Variants in TRERF1 observed in about 807,000 individuals in gnomAD.
The protein encoded by TRERF1 is transcriptional regulating factor 1.
Under a neutral mutation model 122.9 loss-of-function variants are expected in TRERF1, and 27 were observed. The ratio of observed to expected loss-of-function variants is 0.22; its 90% CI spans 0.16 to 0.30. The LOEUF is 0.30. Ranked by LOEUF, TRERF1 falls within the 10% of genes least tolerant of loss-of-function variation. The probability of loss-of-function intolerance (pLI) is 1.00; values close to 1 mark genes in which losing one functional copy is unlikely to be tolerated. For missense variants in TRERF1, 1,248 were observed against 1,560.3 expected (o/e 0.80, Z 3.37); for synonymous variants, 636 against 641.7 (o/e 0.99, Z 0.13).
At chr6:42,338,035 C>T (rs1766533628) in intron 3 of TRERF1, among the ~76,000 whole-genome samples, 1 of 152,152 alleles carries the variant, frequency 6.6e-6, no homozygotes, top group Admixed American at 6.5e-5. Context: ...AACAAGAGCC[C>T]CCAGGTGATT....
intron 5 of TRERF1, among the ~76,000 whole-genome samples, chr6:42,266,703 T>A (rs1382253545): frequency 4.6e-5 from 7 of 152,160 alleles, no homozygotes; most frequent in Admixed American, 2.6e-4. Flanking sequence ...CTGTATGCCT[T>A]GGAATAAGCC....
chr6:42,302,645 G>T (rs1430519488), intron 3 of TRERF1, among the ~76,000 whole-genome samples: 1 of 152,224 alleles, frequency 6.6e-6, no homozygotes, highest in Non-Finnish European at 1.5e-5. Context: ...ATGTTACAAA[G>T]ATTGTGTATC....
At chr6:42,313,791 T>G (rs1762061188) in intron 3 of TRERF1, among the ~76,000 whole-genome samples, 1 of 152,160 alleles carries the variant, frequency 6.6e-6, no homozygotes, top group African/African-American at 2.4e-5. Flanking sequence ...TGTTAGGATA[T>G]GTGGGCCTCA....
At chr6:42,242,303 A>C (rs926597083) in intron 15 of TRERF1, among the ~76,000 whole-genome samples, 5 of 152,216 alleles carry the variant, frequency 3.3e-5, no homozygotes, top group Non-Finnish European at 7.3e-5. Flanking sequence ...CTGGCACATG[A>C]AAACTGCTGT....
intron 2 of TRERF1, among the ~76,000 whole-genome samples, chr6:42,410,633 C>T (rs565304526): frequency 1.3e-5 from 2 of 152,102 alleles, no homozygotes; most frequent in African/African-American, 4.8e-5. Flanking sequence ...GCTCCTCAGT[C>T]CCCCCTCCCT....
chr6:42,408,795 G>GA (rs931682742), intron 2 of TRERF1, among the ~76,000 whole-genome samples: 1 of 151,758 alleles, frequency 6.6e-6, no homozygotes, highest in African/African-American at 2.4e-5. Context: ...TGCTCTCGAG[G>GA]AAAAAATACC....
intron 4 of TRERF1, among the ~76,000 whole-genome samples, chr6:42,299,086 A>ATATG: frequency 8.3e-6 from 1 of 120,006 alleles, no homozygotes; most frequent in African/African-American, 3.6e-5. Context: ...AAAAATATCT[A>ATATG]TCTATCTATC....
chr6:42,297,228 G>A (rs778493983), intron 4 of TRERF1, among the ~76,000 whole-genome samples: 16 of 152,152 alleles, frequency 1.1e-4, no homozygotes, highest in East Asian at 3.8e-4. Context: ...ATGGCAGACC[G>A]GATACCTTAC....
chr6:42,364,230 T>G (rs545521157), intron 2 of TRERF1, among the ~76,000 whole-genome samples: 2 of 152,160 alleles, frequency 1.3e-5, no homozygotes, highest in African/African-American at 4.8e-5. Flanking sequence ...TACTTGCTCT[T>G]CCCCATCCCT....
chr6:42,405,774 G>A (rs531865630), intron 2 of TRERF1, among the ~76,000 whole-genome samples: 22 of 145,736 alleles, frequency 1.5e-4, no homozygotes, highest in African/African-American at 2.6e-4. Flanking sequence ...TATCCTGGGC[G>A]ATAGAGCCAG....
intron 13 of TRERF1, among the ~76,000 whole-genome samples, chr6:42,251,858 A>C (rs193214236): frequency 7.9e-5 from 12 of 152,310 alleles, no homozygotes; most frequent in Non-Finnish European, 5.9e-5. Flanking sequence ...GTCTCAGCTG[A>C]ACACTTGCCA....
At chr6:42,437,600 A>G (rs1283630680) in intron 2 of TRERF1, among the ~76,000 whole-genome samples, 1 of 152,158 alleles carries the variant, frequency 6.6e-6, no homozygotes, top group East Asian at 1.9e-4. Context: ...CCACCATATT[A>G]TCATAGTCAT....
exon 10 of TRERF1, chr6:42,258,147 A>G (rs1405432053): frequency 3.1e-6 from 5 of 1,614,054 alleles, no homozygotes; most frequent in Admixed American, 1.7e-5. Flanking sequence ...TTCAACATCT[A>G]CAGTCTGCTC....
intron 2 of TRERF1, among the ~76,000 whole-genome samples, chr6:42,397,755 A>G (rs1334049428): frequency 1.3e-5 from 2 of 152,222 alleles, no homozygotes; most frequent in African/African-American, 4.8e-5. Context: ...AGCGAAGTGT[A>G]TGACTTGCTA....
chr6:42,271,605 A>C (rs1013033390), intron 4 of TRERF1, among the ~76,000 whole-genome samples: 16 of 152,168 alleles, frequency 1.1e-4, no homozygotes, highest in Non-Finnish European at 1.0e-4. Flanking sequence ...ACCCCCCCCA[A>C]AAAAAGTTAC....
intron 4 of TRERF1, among the ~76,000 whole-genome samples, chr6:42,288,823 G>A (rs1420683192): frequency 1.3e-5 from 2 of 152,032 alleles, no homozygotes; most frequent in South Asian, 4.1e-4. Context: ...CTGAAATGGA[G>A]GAAAAAGGAA....
At chr6:42,314,919 G>A (rs1038991849) in intron 3 of TRERF1, among the ~76,000 whole-genome samples, 5 of 152,182 alleles carry the variant, frequency 3.3e-5, no homozygotes, top group African/African-American at 7.2e-5. Flanking sequence ...TTGATGGAGC[G>A]AATAGGTTGG....
At chr6:42,353,116 A>T (rs1769789120) in intron 3 of TRERF1, among the ~76,000 whole-genome samples, 1 of 152,186 alleles carries the variant, frequency 6.6e-6, no homozygotes, top group Admixed American at 6.5e-5. Context: ...GGCTGCAGTG[A>T]GCTGTGATCA....
intron 12 of TRERF1, 141 bp downstream of exon 12, chr6:42,256,587 G>A (rs1776791549): frequency 1.5e-6 from 1 of 649,746 alleles, no homozygotes; most frequent in Non-Finnish European, 2.7e-6. Context: ...CCCACCGAGA[G>A]AAGGAATAGG....
Sources: allele counts gnomAD v4.1 joint callset (sites outside exome capture counted in the v4.1 genomes callset), GRCh38; gene constraint gnomAD v4.1.1; transcripts MANE v1.5; gene names NCBI Gene and HGNC (gene_info 2026-07-23, HGNC 2026-07-21).